The following LRRTM4 variants were observed in gnomAD, a reference collection of about 807,000 sequenced individuals.
The protein encoded by LRRTM4 is leucine rich repeat transmembrane neuronal 4.
Under a neutral mutation model 47.6 loss-of-function variants are expected in LRRTM4, and 25 were observed. The ratio of observed to expected loss-of-function variants is 0.53; its 90% CI spans 0.38 to 0.73. LRRTM4 has a LOEUF of 0.73. Ranked by LOEUF, LRRTM4 falls within the 30% of genes least tolerant of loss-of-function variation. The pLI is 0.00. For missense variants in LRRTM4, 638 were observed against 713.4 expected (o/e 0.89, Z 1.20); for synonymous variants, 311 against 269.5 (o/e 1.15, Z -1.51).
chr2:76,826,754 A>G (rs1412536095), intron 3 of LRRTM4, among the ~76,000 whole-genome samples: 2 of 151,850 alleles, frequency 1.3e-5, no homozygotes, highest in African/African-American at 4.8e-5. Flanking sequence ...CATCACACTG[A>G]TTCAAGTACT....
At chr2:76,874,122 T>C (rs1223114243) in intron 3 of LRRTM4, among the ~76,000 whole-genome samples, 1 of 151,836 alleles carries the variant, frequency 6.6e-6, no homozygotes, top group Non-Finnish European at 1.5e-5. Flanking sequence ...TTTTTTTTTT[T>C]CTCGGAACAT....
At chr2:77,439,655 A>G (rs13013710) in intron 3 of LRRTM4, among the ~76,000 whole-genome samples, 97,649 of 151,978 alleles carry the variant, frequency 0.64, 31,680 homozygotes, top group South Asian at 0.75. Flanking sequence ...AGTCCAAATA[A>G]GGTTATATTT....
Position 77,065,639 on chromosome 2 carries a change from T to C in LRRTM4, c.1552-316723A>G, listed in dbSNP as rs540835797. Among the ~76,000 whole-genome samples, 38 of 152,268 alleles carry C rather than the reference T, an allele frequency of 2.5e-4. 1 individual carries two copies. In the South Asian group the frequency reaches 7.7e-3, roughly 31 times the overall value. ...TACTGAGAAATGCCTGGGGCTGTGATTCAGGAGAAATATACTCAGTATTAG... is the reference window on the plus strand; with the variant it reads ...TACTGAGAAATGCCTGGGGCTGTGACTCAGGAGAAATATACTCAGTATTAG... On this transcript the variant is annotated intron_variant, in intron 3 of 3. Transcript: ENST00000409884.
intron 3 of LRRTM4, among the ~76,000 whole-genome samples, chr2:76,974,173 C>CATATATATACAT (rs1558771486): frequency 1.0e-4 from 13 of 130,328 alleles, no homozygotes; most frequent in African/African-American, 3.6e-4. Flanking sequence ...TATATACATA[C>CATATATATACAT]ATATATATAC....
At chr2:77,175,966 C>CTTTTT (rs759715146) in intron 3 of LRRTM4, among the ~76,000 whole-genome samples, 122 of 138,132 alleles carry the variant, frequency 8.8e-4, no homozygotes, top group African/African-American at 3.1e-3. Context: ...CTACTCCCGT[C>CTTTTT]TTTTTTTTTT....
intron 3 of LRRTM4, among the ~76,000 whole-genome samples, chr2:76,960,939 T>C (rs184029973): frequency 7.3e-5 from 11 of 151,656 alleles, no homozygotes; most frequent in Admixed American, 5.9e-4. Flanking sequence ...GTGCTACCAA[T>C]GTGTGGATAT....
At chr2:76,881,973 A>T (rs1004632830) in intron 3 of LRRTM4, among the ~76,000 whole-genome samples, 1 of 152,190 alleles carries the variant, frequency 6.6e-6, no homozygotes, top group Admixed American at 6.5e-5. Flanking sequence ...GTGGTCTTTC[A>T]TTAAATCCAT....
chr2:77,383,619 CT>C (rs1673145865), intron 3 of LRRTM4, among the ~76,000 whole-genome samples: 1 of 152,034 alleles, frequency 6.6e-6, no homozygotes. Context: ...GTTCCAGGTT[CT>C]GCTTAAAGAC....
chr2:77,106,783 T>C (rs1366007927), intron 3 of LRRTM4, among the ~76,000 whole-genome samples: 1 of 151,804 alleles, frequency 6.6e-6, no homozygotes, highest in African/African-American at 2.4e-5. Flanking sequence ...GTTGCCAATA[T>C]TAATGATAAT....
intron 3 of LRRTM4, among the ~76,000 whole-genome samples, chr2:77,082,989 A>G (rs916520681): frequency 6.6e-6 from 1 of 152,142 alleles, no homozygotes; most frequent in African/African-American, 2.4e-5. Flanking sequence ...CAATAATTTG[A>G]TATTTTCAGT....
At chr2:77,045,508 A>T (rs1317610579) in intron 3 of LRRTM4, among the ~76,000 whole-genome samples, 1 of 151,886 alleles carries the variant, frequency 6.6e-6, no homozygotes, top group Non-Finnish European at 1.5e-5. Context: ...CCCAAATCTC[A>T]TCTTGAATTC....
intron 3 of LRRTM4, among the ~76,000 whole-genome samples, chr2:77,148,354 A>G (rs1294528350): frequency 6.6e-6 from 1 of 152,148 alleles, no homozygotes; most frequent in Admixed American, 6.6e-5. Context: ...TGAGAACTCA[A>G]TTGAGTTGGG....
At chr2:77,342,086 T>C (rs1671392143) in intron 3 of LRRTM4, among the ~76,000 whole-genome samples, 1 of 151,968 alleles carries the variant, frequency 6.6e-6, no homozygotes, top group African/African-American at 2.4e-5. Context: ...GCTATACCAA[T>C]GTGCTATACC....
At chr2:77,047,491 C>T (rs1029483929) in intron 3 of LRRTM4, among the ~76,000 whole-genome samples, 4 of 152,050 alleles carry the variant, frequency 2.6e-5, no homozygotes, top group Non-Finnish European at 4.4e-5. Flanking sequence ...TACGCCCCTC[C>T]GTGCACTTCC....
Position 76,863,931 on chromosome 2 carries a change from C to T in LRRTM4, c.1552-115015G>A, listed in dbSNP as rs542896551. Among the ~76,000 whole-genome samples, 8 of 152,254 alleles carry T rather than the reference C, an allele frequency of 5.3e-5. No individual in the cohort carries two copies. In the East Asian group the frequency reaches 1.5e-3, roughly 29 times the overall value. On this transcript the variant is annotated intron_variant, in intron 3 of 3. Coordinates refer to ENST00000409884, the MANE Select transcript of LRRTM4 (RefSeq NM_001134745.3). ...TTAATAAGAATAAATGTTAATCTTA[C>T]ACACACTGGTTTAAAAAGATCTATG...
intron 3 of LRRTM4, among the ~76,000 whole-genome samples, chr2:77,049,618 T>A (rs1679360118): frequency 6.6e-6 from 1 of 150,788 alleles, no homozygotes; most frequent in South Asian, 2.1e-4. Flanking sequence ...CTCACCTTAT[T>A]TGCCCATTTT....
At chr2:77,035,546 GCTTTT>G (rs975527260) in intron 3 of LRRTM4, among the ~76,000 whole-genome samples, 8 of 151,534 alleles carry the variant, frequency 5.3e-5, no homozygotes, top group East Asian at 3.9e-4. Context: ...ATAGTGTTTT[GCTTTT>G]CTTTTAACAT....
intron 3 of LRRTM4, among the ~76,000 whole-genome samples, chr2:77,431,873 A>C (rs894271409): frequency 2.0e-5 from 3 of 149,672 alleles, no homozygotes; most frequent in Non-Finnish European, 4.4e-5. Context: ...CAAGAGATCG[A>C]GACCATCCTG....
chr2:77,167,122 C>G (rs527513504), intron 3 of LRRTM4, among the ~76,000 whole-genome samples: 2 of 151,922 alleles, frequency 1.3e-5, no homozygotes, highest in Admixed American at 6.6e-5. Flanking sequence ...AAAAAACAAC[C>G]CCATCAACAA....
Sources: allele counts gnomAD v4.1 joint callset (sites outside exome capture counted in the v4.1 genomes callset), GRCh38; gene constraint gnomAD v4.1.1; transcripts MANE v1.5; gene names NCBI Gene and HGNC (gene_info 2026-07-23, HGNC 2026-07-21).